Variants in NINL observed in about 807,000 individuals in gnomAD.
NINL encodes ninein like, also known as ninein-like protein.
A neutral mutation model predicts 160.3 loss-of-function variants in NINL; 153 were observed. The ratio of observed to expected loss-of-function variants is 0.95; its 90% CI spans 0.84 to 1.09. The LOEUF (loss-of-function observed/expected upper bound fraction) is 1.09. Among genes scored for constraint, NINL ranks in the 50% least tolerant of loss-of-function variants. The probability of loss-of-function intolerance (pLI) is 0.00; values close to 1 mark genes in which losing one functional copy is unlikely to be tolerated. For synonymous variants in NINL, 800 were observed against 734.8 expected (o/e 1.09, Z -1.43); for missense variants, 1,829 against 1,764.0 (o/e 1.04, Z -0.66).
At chr20:25,466,418 A>G (rs530559631) in intron 19 of NINL, among the ~76,000 whole-genome samples, 24 of 152,372 alleles carry the variant, frequency 1.6e-4, no homozygotes, top group Non-Finnish European at 2.4e-4. Context: ...GGCAATGCGG[A>G]TAACAGTTGC....
chr20:25,555,408 G>A (rs1331343457), intron 1 of NINL, among the ~76,000 whole-genome samples: 1 of 152,126 alleles, frequency 6.6e-6, no homozygotes, highest in Non-Finnish European at 1.5e-5. Flanking sequence ...ATATACCATG[G>A]ATAATGTTCC....
intron 1 of NINL, among the ~76,000 whole-genome samples, chr20:25,564,181 G>C (rs920563402): frequency 3.0e-5 from 4 of 134,662 alleles, no homozygotes; most frequent in Non-Finnish European, 6.2e-5. Context: ...ATGGAGTCTT[G>C]CTCTGTCACC....
chr20:25,519,990 A>AC (rs2064233886), intron 2 of NINL, among the ~76,000 whole-genome samples: 1 of 91,860 alleles, frequency 1.1e-5, no homozygotes. Context: ...ACCCCGTCTC[A>AC]AAAAAAAAAA....
intron 1 of NINL, among the ~76,000 whole-genome samples, chr20:25,535,357 T>C (rs1475663885): frequency 6.6e-6 from 1 of 152,166 alleles, no homozygotes; most frequent in Non-Finnish European, 1.5e-5. Flanking sequence ...TGACTACAGT[T>C]AATAATAACA....
intron 8 of NINL, among the ~76,000 whole-genome samples, chr20:25,500,050 G>GC (rs1384857596): frequency 6.6e-6 from 1 of 151,044 alleles, no homozygotes; most frequent in African/African-American, 2.4e-5. Context: ...AACAGCTGTC[G>GC]CCCCCTCCAG....
At chr20:25,492,734 A>T (rs1344420794) in intron 10 of NINL, among the ~76,000 whole-genome samples, 3 of 151,836 alleles carry the variant, frequency 2.0e-5, no homozygotes, top group Non-Finnish European at 2.9e-5. Context: ...GAGCCACCAC[A>T]CCCGGCCACA....
intron 1 of NINL, among the ~76,000 whole-genome samples, chr20:25,575,182 C>T (rs537677779): frequency 6.6e-6 from 1 of 152,260 alleles, no homozygotes; most frequent in African/African-American, 2.4e-5. Flanking sequence ...GGTGCGGTGG[C>T]TCACACCTGT....
chr20:25,485,244 G>A (rs951082137), intron 13 of NINL, among the ~76,000 whole-genome samples: 1 of 152,206 alleles, frequency 6.6e-6, no homozygotes, highest in Non-Finnish European at 1.5e-5. Context: ...CCTCAGTCAT[G>A]AGAAAATATT....
intron 22 of NINL, among the ~76,000 whole-genome samples, chr20:25,458,095 C>T (rs2090736942): frequency 2.6e-5 from 4 of 152,158 alleles, no homozygotes; most frequent in Non-Finnish European, 5.9e-5. Context: ...TGGAACATGC[C>T]AAATACCCCC....
At position 25,462,643 on chromosome 20, in the gene NINL, T is replaced by TTTGTTTTGTC. The variant is rs2062820564; in HGVS notation, c.3424-103_3424-102insGACAAAACAA. 50 of 719,732 alleles carry TTTGTTTTGTC rather than the reference T, an allele frequency of 6.9e-5. 1 individual carries two copies. The South Asian group carries it at 9.9e-4, about 14-fold the overall frequency. The allele number at this position is 719,732 out of a possible 1,614,324, so 44.6% of individuals were successfully genotyped here. The stretch of plus-strand genomic sequence containing the variant: ...TGGCTATATTTTTATTAAGTAGTCA[T>TTTGTTTTGTC]TTGTTTTGTTTTGTTTTGTTTTGTT... On this transcript the variant is annotated intron_variant, in intron 19 of 23. Coordinates refer to ENST00000278886, the MANE Select transcript of NINL (RefSeq NM_025176.6).
chr20:25,464,933 C>A (rs954497342), intron 19 of NINL, among the ~76,000 whole-genome samples: 1 of 152,226 alleles, frequency 6.6e-6, no homozygotes, highest in Admixed American at 6.5e-5. Flanking sequence ...GGAGCTGCAT[C>A]AGGAGGCAGA....
At chr20:25,457,648 C>A (rs1296260306) in intron 22 of NINL, among the ~76,000 whole-genome samples, 2 of 152,206 alleles carry the variant, frequency 1.3e-5, no homozygotes, top group Non-Finnish European at 2.9e-5. Flanking sequence ...GCGCCAATTC[C>A]TTTCTCATGA....
chr20:25,533,297 C>T (rs1402724585), intron 1 of NINL, among the ~76,000 whole-genome samples: 2 of 152,074 alleles, frequency 1.3e-5, no homozygotes, highest in East Asian at 1.9e-4. Context: ...AACACACACA[C>T]GCGCACACAG....
intron 5 of NINL, among the ~76,000 whole-genome samples, chr20:25,506,778 T>C (rs773091690): frequency 7.2e-5 from 11 of 152,144 alleles, no homozygotes; most frequent in Admixed American, 2.0e-4. Flanking sequence ...CCTCACACCA[T>C]CAAGAAGTTG....
intron 21 of NINL, chr20:25,458,761 A>C: frequency 2.0e-6 from 1 of 501,516 alleles, no homozygotes; most frequent in Non-Finnish European, 3.5e-6. Flanking sequence ...CATGTCCATC[A>C]CCCTCAAAAT....
In NINL at chr20:25,479,130, C is replaced by T. The variant is rs1385556490; in HGVS notation, c.1994G>A (p.Arg665His). 1.2e-5 allele frequency: 20 copies of T among 1,613,790 alleles called. No individual in the cohort carries two copies. Among genetic ancestry groups the T allele is most frequent in the Non-Finnish European group, 1.6e-5 (19 of 1,180,026 alleles). The part of the protein sequence containing the change: ...EKERKDMEQA[R>H]RREVSVLEGQ... ...CTCCAGCACGCTGACCTCGCGCCTG[C>T]GAGCCTGCTCCATGTCCTTCCTCTC... Residue 665 changes from arginine (R) to histidine (H), a missense_variant, in exon 16 of 24, where the codon CGC becomes CAC. Transcript: ENST00000278886.
In NINL at chr20:25,505,005, T is replaced by C; in HGVS notation, c.591A>G (p.Pro197=). Reference sequence around the variant, plus strand: ...CCCACACGCCCCGGATCTGGCTCTCTGGGGTGTCAAAGGAGGGGCTGCAGG... The same window carrying C: ...CCCACACGCCCCGGATCTGGCTCTCCGGGGTGTCAAAGGAGGGGCTGCAGG... The part of the protein sequence containing the change: ...QKSCSPSFDT[P]ESQIRGVWEE... Residue 197 remains proline (P), a synonymous_variant, in exon 6 of 24, where the codon CCA becomes CCG. Coordinates refer to ENST00000278886, the MANE Select transcript of NINL (RefSeq NM_025176.6). 6.2e-7 allele frequency: 1 copy of C among 1,613,630 alleles called. No individual in the cohort carries two copies. The highest frequency in any genetic ancestry group is 8.5e-7 in the Non-Finnish European group (1 of 1,179,810).
chr20:25,553,710 T>C (rs906936037), intron 1 of NINL, among the ~76,000 whole-genome samples: 7 of 152,148 alleles, frequency 4.6e-5, no homozygotes, highest in African/African-American at 1.7e-4. Flanking sequence ...CACTTATCTT[T>C]CTCCCCAGGG....
intron 1 of NINL, among the ~76,000 whole-genome samples, chr20:25,584,767 A>G (rs2065209043): frequency 6.6e-6 from 1 of 152,198 alleles, no homozygotes; most frequent in South Asian, 2.1e-4. Context: ...AGCCCCACAC[A>G]GAGCTCCTAA....
Sources: allele counts gnomAD v4.1 joint callset (sites outside exome capture counted in the v4.1 genomes callset), GRCh38; gene constraint gnomAD v4.1.1; transcripts MANE v1.5; gene names NCBI Gene and HGNC (gene_info 2026-07-23, HGNC 2026-07-21).